TBC1D22A: variants seen among roughly 807,000 people sequenced by gnomAD.
TBC1D22A encodes TBC1 domain family member 22A.
TBC1D22A carries 38 observed loss-of-function variants against 60.2 expected under a neutral mutation model. The ratio of observed to expected loss-of-function variants is 0.63; its 90% confidence interval spans 0.49 to 0.83. TBC1D22A has a LOEUF of 0.83. Among genes scored for constraint, TBC1D22A ranks in the 40% least tolerant of loss-of-function variants. The pLI, the probability that TBC1D22A is intolerant of heterozygous loss-of-function variation, is 0.00. For synonymous variants in TBC1D22A, 302 were observed against 281.7 expected (o/e 1.07, Z -0.72); for missense variants, 628 against 701.0 (o/e 0.90, Z 1.18).
chr22:47,166,982 G>A (rs1399893005), intron 12 of TBC1D22A, among the ~76,000 whole-genome samples: 2 of 152,170 alleles, frequency 1.3e-5, no homozygotes, highest in Non-Finnish European at 2.9e-5. Flanking sequence ...CGGACAAGGA[G>A]GATCCAGCAT....
At chr22:46,824,206 T>A (rs1422387186) in intron 4 of TBC1D22A, among the ~76,000 whole-genome samples, 5 of 152,136 alleles carry the variant, frequency 3.3e-5, no homozygotes, top group Admixed American at 6.5e-5. Context: ...CTGGACCACT[T>A]TTTGGGTGTC....
chr22:46,912,214 G>T (rs780434178), intron 8 of TBC1D22A, 26 bp downstream of exon 8: 11 of 1,514,326 alleles, frequency 7.3e-6, no homozygotes, highest in Non-Finnish European at 1.0e-5. Context: ...AACATTAAAC[G>T]TGAACTTTAG....
At chr22:46,910,159 C>A (rs1305125710) in intron 7 of TBC1D22A, among the ~76,000 whole-genome samples, 1 of 152,144 alleles carries the variant, frequency 6.6e-6, no homozygotes, top group African/African-American at 2.4e-5. Context: ...ATTCCTCATT[C>A]CACCCGCGTC....
At position 47,037,106 on chromosome 22, in the gene TBC1D22A, A is replaced by G. The variant is rs1413659053; in HGVS notation, c.1237A>G (p.Arg413Gly). ...CCGGCACCTGGACCAACACGAAGTG[A>G]GATACCTGCAGTTTGCCTTCCGCTG... ...VHRHLDQHEVRYLQFAFRWMN... is the reference protein window; with the variant it reads ...VHRHLDQHEVGYLQFAFRWMN... Residue 413 changes from arginine (R) to glycine (G), a missense_variant, in exon 11 of 13, where the codon AGA (arginine) becomes GGA (glycine). Physicochemically the swap from Arg to Gly is moderately radical, Grantham distance 125. Coordinates refer to ENST00000337137, the MANE Select transcript of TBC1D22A (RefSeq NM_014346.5). 1.9e-6 allele frequency: 3 copies of G among 1,613,822 alleles called. No individual in the cohort carries two copies. Among genetic ancestry groups the G allele is most frequent in the Non-Finnish European group, 2.5e-6 (3 of 1,179,878 alleles).
chr22:46,924,724 A>G (rs2147859506), intron 8 of TBC1D22A, among the ~76,000 whole-genome samples: 1 of 148,488 alleles, frequency 6.7e-6, no homozygotes, highest in Non-Finnish European at 1.5e-5. Flanking sequence ...CAGCCTGAGC[A>G]ACAAGAGTGA....
chr22:47,103,151 C>T (rs2065486331), intron 11 of TBC1D22A, among the ~76,000 whole-genome samples: 1 of 152,162 alleles, frequency 6.6e-6, no homozygotes. Flanking sequence ...CCTGGTAACC[C>T]AAGGTGGTGG....
chr22:47,100,656 C>T (rs1019293105), intron 11 of TBC1D22A, among the ~76,000 whole-genome samples: 7 of 152,224 alleles, frequency 4.6e-5, no homozygotes, highest in African/African-American at 7.2e-5. Context: ...CCACCATCCA[C>T]GTAAGACGTG....
intron 12 of TBC1D22A, among the ~76,000 whole-genome samples, chr22:47,119,825 G>T (rs1211879999): frequency 6.6e-6 from 1 of 152,148 alleles, no homozygotes; most frequent in Non-Finnish European, 1.5e-5. Flanking sequence ...CAATGGAAAT[G>T]TATTTCTCAC....
intron 4 of TBC1D22A, among the ~76,000 whole-genome samples, chr22:46,801,916 A>G (rs952983423): frequency 3.3e-5 from 5 of 152,232 alleles, no homozygotes; most frequent in African/African-American, 1.2e-4. Flanking sequence ...GGAGCCGTAC[A>G]CCTTGGCAGC....
chr22:46,928,370 T>C (rs1321082687), intron 8 of TBC1D22A, among the ~76,000 whole-genome samples: 1 of 152,208 alleles, frequency 6.6e-6, no homozygotes, highest in African/African-American at 2.4e-5. Context: ...TTATTAGACA[T>C]TGAAATGCAA....
At chr22:47,003,352 T>G (rs2061456211) in intron 10 of TBC1D22A, among the ~76,000 whole-genome samples, 1 of 151,884 alleles carries the variant, frequency 6.6e-6, no homozygotes. Context: ...TGGCCTTAAA[T>G]GTAATGTGTT....
At chr22:47,025,532 G>A (rs2062223876) in intron 10 of TBC1D22A, among the ~76,000 whole-genome samples, 1 of 152,224 alleles carries the variant, frequency 6.6e-6, no homozygotes. Context: ...AGGGAAATGA[G>A]AAGGTATTTT....
chr22:47,127,951 C>T (rs1160427023), intron 12 of TBC1D22A, among the ~76,000 whole-genome samples: 1 of 126,334 alleles, frequency 7.9e-6, no homozygotes, highest in Non-Finnish European at 1.7e-5. Context: ...CTCTCCTCCA[C>T]CCCACCCGTC....
chr22:47,002,164 G>A (rs142403840), intron 10 of TBC1D22A, among the ~76,000 whole-genome samples: 175 of 152,308 alleles, frequency 1.1e-3, no homozygotes, highest in Admixed American at 2.2e-3. Context: ...GAATTTCAGC[G>A]TATAAAGCAC....
intron 8 of TBC1D22A, among the ~76,000 whole-genome samples, chr22:46,954,069 G>A (rs1000247058): frequency 1.2e-4 from 18 of 152,106 alleles, no homozygotes; most frequent in Non-Finnish European, 2.2e-4. Context: ...ATCAGGTCAC[G>A]GTCACACTAG....
chr22:46,894,918 G>C (rs1319653337), intron 7 of TBC1D22A, 72 bp downstream of exon 7: 1 of 1,555,854 alleles, frequency 6.4e-7, no homozygotes, highest in African/African-American at 1.4e-5. Flanking sequence ...ACCAGACAGT[G>C]GGCGCAGCCG....
chr22:47,020,041 C>T (rs762904), intron 10 of TBC1D22A, among the ~76,000 whole-genome samples: 1 of 151,628 alleles, frequency 6.6e-6, no homozygotes, highest in Non-Finnish European at 1.5e-5. Flanking sequence ...TCCATCCCCC[C>T]ACCCATGTCT....
rs532789867 is a variant in TBC1D22A, at chr22:46,966,265, A to G, written c.1016-8025A>G. Among the ~76,000 whole-genome samples, 3 of 152,020 alleles carry G rather than the reference A, an allele frequency of 2.0e-5. No individual in the cohort carries two copies. In the South Asian group the frequency reaches 6.2e-4, roughly 32 times the overall value. On this transcript the variant is annotated intron_variant, in intron 8 of 12. Coordinates refer to ENST00000337137, the MANE Select transcript of TBC1D22A (RefSeq NM_014346.5). ...GGTCGGGCTCCGTGCCTTCTGCCCC[A>G]TCACCCTGTTCATTCTCCACCTGGC...
intron 7 of TBC1D22A, among the ~76,000 whole-genome samples, chr22:46,902,868 A>T (rs184857918): frequency 6.6e-6 from 1 of 152,364 alleles, no homozygotes; most frequent in Admixed American, 6.5e-5. Flanking sequence ...AGGGATGAAG[A>T]CAGATGTGCG....
Sources: gnomAD v4.1 joint callset for allele counts (sites outside exome capture counted in the v4.1 genomes callset) on GRCh38, gnomAD v4.1.1 for gene constraint, MANE v1.5 for transcripts, NCBI Gene and HGNC (gene_info 2026-07-23, HGNC 2026-07-21) for gene names.